Variants in ZFPM2 observed in about 807,000 individuals in gnomAD.
The protein encoded by ZFPM2 is zinc finger protein, FOG family member 2, also known as zinc finger protein ZFPM2.
Under a neutral mutation model 98.6 loss-of-function variants are expected in ZFPM2, and 20 were observed. The ratio of observed to expected loss-of-function variants is 0.20; its 90% confidence interval spans 0.14 to 0.29. The LOEUF (loss-of-function observed/expected upper bound fraction) is 0.29. Ranked by LOEUF, ZFPM2 falls within the 10% of genes least tolerant of loss-of-function variation. ZFPM2 has a pLI of 1.00. For synonymous variants in ZFPM2, 518 were observed against 502.7 expected (o/e 1.03, Z -0.41); for missense variants, 1,310 against 1,388.6 (o/e 0.94, Z 0.90).
At chr8:105,586,598 T>G (rs1355476299) in intron 4 of ZFPM2, among the ~76,000 whole-genome samples, 5 of 151,452 alleles carry the variant, frequency 3.3e-5, no homozygotes, top group African/African-American at 1.2e-4. Context: ...AATTTTTGTA[T>G]TTTTAGTAGA....
chr8:105,785,292 C>G (rs948215508), intron 5 of ZFPM2: 9 of 151,946 alleles, frequency 5.9e-5, no homozygotes, highest in Admixed American at 1.3e-4. Flanking sequence ...TATTTCTGTG[C>G]ATACACATAT....
At chr8:105,673,717 A>G (rs1305388606) in intron 5 of ZFPM2, among the ~76,000 whole-genome samples, 2 of 152,198 alleles carry the variant, frequency 1.3e-5, no homozygotes, top group Non-Finnish European at 2.9e-5. Context: ...TATGCTCAAA[A>G]CAAGAGTTTA....
At chr8:105,577,745 T>A (rs1815498709) in intron 4 of ZFPM2, among the ~76,000 whole-genome samples, 1 of 147,728 alleles carries the variant, frequency 6.8e-6, no homozygotes, top group Admixed American at 6.7e-5. Flanking sequence ...AGACCCAATT[T>A]AATTAAAGTG....
intron 1 of ZFPM2, among the ~76,000 whole-genome samples, chr8:105,347,529 A>G (rs1226638187): frequency 6.6e-6 from 1 of 152,180 alleles, no homozygotes; most frequent in Non-Finnish European, 1.5e-5. Context: ...TATGTTTCAA[A>G]TAGGACTACT....
At chr8:105,673,787 A>G (rs1341419918) in intron 5 of ZFPM2, among the ~76,000 whole-genome samples, 8 of 152,160 alleles carry the variant, frequency 5.3e-5, no homozygotes, top group Admixed American at 5.2e-4. Context: ...GCCTTATTCT[A>G]TTGCTCTTAA....
At chr8:105,614,227 C>A (rs976926782) in intron 4 of ZFPM2, among the ~76,000 whole-genome samples, 18 of 152,126 alleles carry the variant, frequency 1.2e-4, no homozygotes, top group South Asian at 1.0e-3. Context: ...ATTTCTGTTT[C>A]TAACTTTATA....
At chr8:105,514,771 T>G (rs1049240532) in intron 3 of ZFPM2, among the ~76,000 whole-genome samples, 1 of 152,184 alleles carries the variant, frequency 6.6e-6, no homozygotes, top group Non-Finnish European at 1.5e-5. Flanking sequence ...AATTGCAATT[T>G]ATGTCTCCCT....
chr8:105,564,153 T>C (rs1266148762), intron 4 of ZFPM2, among the ~76,000 whole-genome samples: 1 of 151,990 alleles, frequency 6.6e-6, no homozygotes, highest in African/African-American at 2.4e-5. Flanking sequence ...AGCTATTTTA[T>C]GCCATATTTA....
intron 4 of ZFPM2, among the ~76,000 whole-genome samples, chr8:105,614,597 A>G (rs1044109482): frequency 2.0e-5 from 3 of 152,086 alleles, no homozygotes; most frequent in Admixed American, 1.3e-4. Flanking sequence ...TGAAGCAGCT[A>G]ATCTTGAAGC....
At chr8:105,497,966 C>T (rs557487660) in intron 3 of ZFPM2, among the ~76,000 whole-genome samples, 17 of 148,728 alleles carry the variant, frequency 1.1e-4, no homozygotes, top group Non-Finnish European at 2.2e-4. Context: ...GTGGGAGGGT[C>T]ACTTGAGCTA....
intron 1 of ZFPM2, among the ~76,000 whole-genome samples, chr8:105,389,013 CGTGTGT>C (rs142145699): frequency 0.23 from 30,972 of 134,646 alleles, 3,449 homozygotes; most frequent in African/African-American, 0.27. Context: ...AATTTGATGA[CGTGTGT>C]GTGTGTGTGT....
intron 4 of ZFPM2, among the ~76,000 whole-genome samples, chr8:105,568,767 C>T (rs1215204049): frequency 6.6e-6 from 1 of 152,118 alleles, no homozygotes; most frequent in Admixed American, 6.6e-5. Flanking sequence ...TTCTAAAGGG[C>T]ACGAGAATAC....
At chr8:105,781,948 C>T (rs1361336353) in intron 5 of ZFPM2, among the ~76,000 whole-genome samples, 1 of 152,116 alleles carries the variant, frequency 6.6e-6, no homozygotes, top group Non-Finnish European at 1.5e-5. Flanking sequence ...CACCAGATGG[C>T]GCCATGGCTT....
intron 5 of ZFPM2, among the ~76,000 whole-genome samples, chr8:105,650,871 A>G (rs1229578051): frequency 6.6e-6 from 1 of 152,162 alleles, no homozygotes; most frequent in Non-Finnish European, 1.5e-5. Context: ...AGTTCTGTAG[A>G]TGTCTATTAG....
intron 3 of ZFPM2, among the ~76,000 whole-genome samples, chr8:105,520,453 A>C (rs2130544505): frequency 6.6e-6 from 1 of 152,316 alleles, no homozygotes; most frequent in African/African-American, 2.4e-5. Context: ...ACTTTATTGC[A>C]GAATCCAGTG....
chr8:105,411,965 G>C (rs1228953654), intron 1 of ZFPM2, among the ~76,000 whole-genome samples: 1 of 151,770 alleles, frequency 6.6e-6, no homozygotes, highest in Non-Finnish European at 1.5e-5. Context: ...GCTTGCACAT[G>C]TTCTAAGAAA....
intron 3 of ZFPM2, among the ~76,000 whole-genome samples, chr8:105,499,364 A>G (rs1303296907): frequency 6.6e-6 from 1 of 152,244 alleles, no homozygotes; most frequent in East Asian, 1.9e-4. Flanking sequence ...AAACAAAACA[A>G]ACAAACAAAA....
chr8:105,477,237 C>CTTTTTTTTTTTTT (rs397891589), intron 3 of ZFPM2, among the ~76,000 whole-genome samples: 1 of 74,474 alleles, frequency 1.3e-5, no homozygotes, highest in Non-Finnish European at 2.4e-5. Context: ...TGCTAGCAAT[C>CTTTTTTTTTTTTT]TTTTTTTTTT....
intron 3 of ZFPM2, among the ~76,000 whole-genome samples, chr8:105,538,561 G>T (rs554675987): frequency 2.6e-5 from 4 of 152,074 alleles, no homozygotes; most frequent in Non-Finnish European, 4.4e-5. Flanking sequence ...TCCCATAAAG[G>T]CCAGGAGATA....
Sources: allele counts gnomAD v4.1 joint callset (sites outside exome capture counted in the v4.1 genomes callset), GRCh38; gene constraint gnomAD v4.1.1; transcripts MANE v1.5; gene names NCBI Gene and HGNC (gene_info 2026-07-23, HGNC 2026-07-21).